Variants in ZBTB4 observed in about 807,000 individuals in gnomAD.
ZBTB4 encodes zinc finger and BTB domain containing 4, also known as zinc finger and BTB domain-containing protein 4.
A neutral mutation model predicts 59.8 loss-of-function variants in ZBTB4; 14 were observed. That is an observed-to-expected ratio of 0.23 (90% CI 0.15 to 0.37). The LOEUF (loss-of-function observed/expected upper bound fraction) is 0.37. ZBTB4 is among the 10% of genes least tolerant of loss of function. The pLI is 1.00. For missense variants in ZBTB4, 1,198 were observed against 1,380.8 expected, an observed-to-expected ratio of 0.87 and a Z score of 2.10; for synonymous variants, 587 against 575.2, an observed-to-expected ratio of 1.02 and a Z score of -0.29.
intron 3 of ZBTB4, among the ~76,000 whole-genome samples, chr17:7,465,413 G>A (rs1191276762): frequency 6.7e-6 from 1 of 149,734 alleles, no homozygotes; most frequent in Non-Finnish European, 1.5e-5. Flanking sequence ...GCAGTGAGCC[G>A]AGAAGGCACC....
At chr17:7,482,084 T>C (rs755973043), upstream of ZBTB4, 5 of 1,614,138 alleles carry the variant, frequency 3.1e-6, no homozygotes, top group South Asian at 1.1e-5. Flanking sequence ...CTGCCAGCCC[T>C]CTGATGCCAC....
chr17:7,462,125 G>A lies in ZBTB4; in HGVS notation c.2857C>T (p.Pro953Ser), dbSNP rs201061207. The A allele has an allele frequency of 1.9e-6, 3 of 1,613,624 alleles. No individual in the cohort carries two copies. The highest frequency in any genetic ancestry group is 1.1e-5 in the South Asian group (1 of 91,000). The change falls in exon 4 of 4, where the codon CCT (proline) becomes TCT (serine). Residue 953 changes from proline (P) to serine (S), a missense_variant. Physicochemically the swap from Pro to Ser is moderately conservative, Grantham distance 74. Around this residue, in one of 9 missense-constraint regions of ZBTB4, gnomAD observed 211 missense variants for 236.1 expected, o/e 0.89. Transcript: ENST00000380599. The surrounding 1 kb of genome is among the most constrained non-coding windows in gnomAD (Gnocchi z 7.5). ...AGGGCCCCCGCACCCTTCTCATCAG[G>A]TAGGACCATGTTGAGAGCAACCGGG... ...ALPVALNMVL[P>S]DEKGAGALPF...
rs997311133 is a variant in ZBTB4, at chr17:7,461,951, C to T, written c.3031G>A (p.Asp1011Asn). 8 of 1,548,222 alleles carry T rather than the reference C, an allele frequency of 5.2e-6. No homozygotes were observed. The highest frequency in any genetic ancestry group is 1.4e-5 in the African/African-American group (1 of 72,878). ...TTGAGCCCCAGGGTTCACCCCACATCGCCCTTCTGGGTTCTCTCAACCCCT... is the reference window on the plus strand; with the variant it reads ...TTGAGCCCCAGGGTTCACCCCACATTGCCCTTCTGGGTTCTCTCAACCCCT... ...RAGVERTQKGDVG is the reference protein window; with the variant it reads ...RAGVERTQKGNVG The change falls in exon 4 of 4, where the codon GAT (aspartate) becomes AAT (asparagine). Residue 1011 changes from aspartate to asparagine, a missense_variant. Asp to Asn is a conservative substitution (Grantham distance 23). Around this residue, in one of 9 missense-constraint regions of ZBTB4, gnomAD observed 211 missense variants for 236.1 expected, o/e 0.89. Coordinates refer to ENST00000380599, the MANE Select transcript of ZBTB4 (RefSeq NM_001128833.2).
intron 1 of ZBTB4, among the ~76,000 whole-genome samples, chr17:7,473,797 A>G (rs2070231968): frequency 6.6e-6 from 1 of 152,016 alleles, no homozygotes; most frequent in Non-Finnish European, 1.5e-5. Flanking sequence ...CAATCCGCCC[A>G]GCTCAGCATC....
chr17:7,465,182 G>C (rs2070100052), intron 3 of ZBTB4, among the ~76,000 whole-genome samples: 1 of 144,018 alleles, frequency 6.9e-6, no homozygotes, highest in Non-Finnish European at 1.5e-5. Flanking sequence ...AAAAATGCCA[G>C]GTGTGGTGGC....
chr17:7,466,769 G>C lies in ZBTB4; in HGVS notation c.33C>G (p.Ser11=). 6.3e-7 allele frequency: 1 copy of C among 1,581,126 alleles called. No individual in the cohort carries two copies. Among genetic ancestry groups the C allele is most frequent in the East Asian group, 2.3e-5 (1 of 43,850 alleles). Residue 11 remains serine, a synonymous_variant, in exon 3 of 4, where the codon TCC becomes TCG. Coordinates refer to ENST00000380599, the MANE Select transcript of ZBTB4 (RefSeq NM_001128833.2). This position sits in a 1 kb window ranked among gnomAD's most constrained non-coding sequence, Gnocchi z 9.1. MPPPAEVTDP[S]HAPAVLRQLN... The stretch of plus-strand genomic sequence containing the variant: ...GCTGGCGCAGGACGGCGGGGGCATG[G>C]GACGGGTCCGTCACCTCTGCAGGGG...
upstream of ZBTB4, chr17:7,482,879 T>C (rs2070365227): frequency 1.9e-6 from 3 of 1,611,866 alleles, no homozygotes; most frequent in Middle Eastern, 2.2e-4. Context: ...ACTGCAGTAT[T>C]ATATGCTCCA....
rs1224293828 is a variant in ZBTB4 at position 7,463,007 on chromosome 17, C to T, written c.1975G>A (p.Gly659Arg). 1 of 1,610,940 alleles carries T rather than the reference C, an allele frequency of 6.2e-7. No homozygotes were observed. Among genetic ancestry groups the T allele is most frequent in the Non-Finnish European group, 8.5e-7 (1 of 1,179,328 alleles). The change falls in exon 4 of 4, where the codon GGG (glycine) becomes AGG (arginine). Residue 659 changes from glycine (G) to arginine (R), a missense_variant. By Grantham distance (125) the Gly-to-Arg change is moderately radical. Around this residue, in one of 9 missense-constraint regions of ZBTB4, gnomAD observed 550 missense variants for 541.8 expected, o/e 1.02. Coordinates refer to ENST00000380599, the MANE Select transcript of ZBTB4 (RefSeq NM_001128833.2). ...TAGGGCCTCCAGAGCTGGTCCTCCC[C>T]ACCAGCCTTTGATTCCTCCTCATCC... ...EEDEEESKAG[G>R]EDQLWRPYYS...
rs1288728337 is a variant in ZBTB4, at chr17:7,465,891, C to T, written c.911G>A (p.Gly304Asp). The change falls in exon 3 of 4, where the codon GGC (glycine) becomes GAC (aspartate). Residue 304 changes from glycine (G) to aspartate (D), a missense_variant. By Grantham distance (94) the Gly-to-Asp change is moderately conservative (BLOSUM62 -1). Coordinates refer to ENST00000380599, the MANE Select transcript of ZBTB4 (RefSeq NM_001128833.2). ...CGCGCACACATACAGCACGTGGCCG[C>T]CCACCACCTTCACCACGTGCTCGGG... is the stretch of plus-strand genomic sequence containing the variant. ...GGPEHVVKVV[G>D]GHVLYVCAAC... The T allele has an allele frequency of 6.2e-7, 1 of 1,613,566 alleles. No homozygotes were observed. Among genetic ancestry groups the T allele is most frequent in the Non-Finnish European group, 8.5e-7 (1 of 1,179,618 alleles).
chr17:7,479,662 C>T (rs1434567956), upstream of ZBTB4: 1 of 145,396 alleles, frequency 6.9e-6, no homozygotes, highest in Non-Finnish European at 1.5e-5. Context: ...TACCCCCACC[C>T]CCACCCCCGG....
rs2070073877 is a variant in ZBTB4, at chr17:7,463,857, G to T, written c.1125C>A (p.Val375=). 1 of 1,613,954 alleles carries T rather than the reference G, an allele frequency of 6.2e-7. No individual in the cohort carries two copies. The change falls in exon 4 of 4, where the codon GTC becomes GTA. Residue 375 remains valine (V), a synonymous_variant. Coordinates refer to ENST00000380599, the MANE Select transcript of ZBTB4 (RefSeq NM_001128833.2). ...GGTGGGTCTTCAGGTTATAGTAAGT[G>T]ACAAAGGTCTCCCAACAGAAGATGC... is the stretch of plus-strand genomic sequence containing the variant. ...YQCIFCWETF[V]TYYNLKTHQR...
upstream of ZBTB4, chr17:7,482,991 T>C: frequency 6.8e-6 from 11 of 1,611,486 alleles, no homozygotes; most frequent in Non-Finnish European, 9.3e-6. Flanking sequence ...GAAGGGAAGG[T>C]GGAGGAGTGA....
upstream of ZBTB4, chr17:7,482,660 T>A (rs377524027): frequency 1.4e-5 from 23 of 1,611,928 alleles, no homozygotes; most frequent in Non-Finnish European, 1.8e-5. Context: ...GGCCTTCCTA[T>A]CTGGCTTGGT....
At chr17:7,481,551 C>A, upstream of ZBTB4, 1 of 1,466,974 alleles carries the variant, frequency 6.8e-7, no homozygotes, top group East Asian at 2.5e-5. Context: ...CTAGTACTCC[C>A]TCCCTATAGC....
chr17:7,477,910 G>A (rs779783026), intron 1 of ZBTB4, among the ~76,000 whole-genome samples: 7 of 152,096 alleles, frequency 4.6e-5, no homozygotes, highest in Non-Finnish European at 1.0e-4. Context: ...GGCTCATGAG[G>A]GGCAAACATA....
upstream of ZBTB4, chr17:7,482,360 C>T (rs1343775393): frequency 6.2e-7 from 1 of 1,613,894 alleles, no homozygotes; most frequent in Non-Finnish European, 8.5e-7. Context: ...TCAGGTGGTG[C>T]CCGCTGGCAA....
At chr17:7,472,380 G>A (rs989885767) in intron 1 of ZBTB4, among the ~76,000 whole-genome samples, 28 of 151,988 alleles carry the variant, frequency 1.8e-4, no homozygotes, top group African/African-American at 2.4e-4. Context: ...TAGTAGAGAC[G>A]AGGTTTCACC....
intron 1 of ZBTB4, among the ~76,000 whole-genome samples, chr17:7,475,459 G>GGA: frequency 6.6e-6 from 1 of 152,000 alleles, no homozygotes; most frequent in East Asian, 1.9e-4. Flanking sequence ...TCTCAGTACA[G>GGA]CCACCCACAA....
Position 7,463,086 on chromosome 17 carries a change from C to T in ZBTB4, c.1896G>A (p.Glu632=), listed in dbSNP as rs1449055138. The T allele has an allele frequency of 6.2e-7, 1 of 1,610,740 alleles. No homozygotes were observed. The highest frequency in any genetic ancestry group is 1.7e-4 in the Middle Eastern group (1 of 6,060). The change falls in exon 4 of 4, where the codon GAG becomes GAA. Residue 632 remains glutamate (E), a synonymous_variant. Coordinates refer to ENST00000380599, the MANE Select transcript of ZBTB4 (RefSeq NM_001128833.2). ...DLRPGELSGE[E]MEESEEDEEE... is the part of the protein sequence containing the mutation. ...CTTCGTCCTCCTCACTCTCCTCCAT[C>T]TCCTCTCCGCTCAGCTCCCCAGGAC...
Sources: gnomAD v4.1 joint callset for allele counts (sites outside exome capture counted in the v4.1 genomes callset) on GRCh38, gnomAD v4.1.1 for gene constraint, gnomAD v4.1.1 regional missense constraint, Gnocchi (gnomAD v3.1) non-coding constraint, MANE v1.5 for transcripts, NCBI Gene and HGNC (gene_info 2026-07-23, HGNC 2026-07-21) for gene names.